ESRRG: variants seen among roughly 807,000 people sequenced by gnomAD.
ESRRG encodes estrogen related receptor gamma.
In ESRRG, 13 loss-of-function variants were observed where a neutral mutation model predicts 44.0. That is an observed-to-expected ratio of 0.30 (90% CI 0.19 to 0.47). The LOEUF is 0.47. Ranked by LOEUF, ESRRG falls within the 20% of genes least tolerant of loss-of-function variation. The pLI, the probability that ESRRG is intolerant of heterozygous loss-of-function variation, is 1.00. For missense variants in ESRRG, 395 were observed against 580.6 expected (o/e 0.68, Z 3.29); for synonymous variants, 215 against 214.6 (o/e 1.00, Z -0.02).
intron 1 of ESRRG, among the ~76,000 whole-genome samples, chr1:216,963,547 G>A (rs575688028): frequency 2.1e-4 from 32 of 152,228 alleles, no homozygotes; most frequent in Middle Eastern, 6.8e-3. Context: ...GCTTCCTCTC[G>A]TACAAGTTGA....
chr1:216,692,619 C>A (rs1417219461), intron 1 of ESRRG, among the ~76,000 whole-genome samples: 1 of 152,054 alleles, frequency 6.6e-6, no homozygotes, highest in Admixed American at 6.6e-5. Context: ...TTTATAAAGT[C>A]TACAGTAGGA....
chr1:216,626,753 G>T (rs1422616293), intron 3 of ESRRG, among the ~76,000 whole-genome samples: 1 of 152,150 alleles, frequency 6.6e-6, no homozygotes, highest in Non-Finnish European at 1.5e-5. Flanking sequence ...CTAGATTATT[G>T]CAGGAGGTTC....
At chr1:217,062,948 A>C (rs1169621185) in intron 1 of ESRRG, among the ~76,000 whole-genome samples, 1 of 152,208 alleles carries the variant, frequency 6.6e-6, no homozygotes, top group Non-Finnish European at 1.5e-5. Context: ...CTACTTCATC[A>C]GCTCTTAATC....
At chr1:216,529,096 A>T (rs1483905951) in intron 5 of ESRRG, among the ~76,000 whole-genome samples, 1 of 152,124 alleles carries the variant, frequency 6.6e-6, no homozygotes, top group Non-Finnish European at 1.5e-5. Flanking sequence ...TTGTGTATCC[A>T]TTCTTACATA....
At chr1:216,601,262 C>T (rs367661116) in intron 3 of ESRRG, among the ~76,000 whole-genome samples, 1 of 152,036 alleles carries the variant, frequency 6.6e-6, no homozygotes, top group Admixed American at 6.5e-5. Flanking sequence ...ACCGCGCCCA[C>T]CCCTGGGCCT....
intron 2 of ESRRG, among the ~76,000 whole-genome samples, chr1:216,786,602 G>C (rs2094135728): frequency 6.6e-6 from 1 of 152,058 alleles, no homozygotes; most frequent in Non-Finnish European, 1.5e-5. Flanking sequence ...GCCACATATA[G>C]TCCAAAAACA....
intron 1 of ESRRG, chr1:216,985,696 G>T (rs1182983842): frequency 6.6e-6 from 1 of 152,136 alleles, no homozygotes; most frequent in Non-Finnish European, 1.5e-5. Context: ...CATTTATGGT[G>T]GGGGACAGTC....
intron 5 of ESRRG, among the ~76,000 whole-genome samples, chr1:216,544,178 T>A (rs944418742): frequency 2.0e-5 from 3 of 152,034 alleles, no homozygotes; most frequent in African/African-American, 7.2e-5. Flanking sequence ...ATTGTGCATA[T>A]GATAATCATT....
intron 3 of ESRRG, among the ~76,000 whole-genome samples, chr1:216,584,176 T>C (rs936894761): frequency 1.3e-5 from 2 of 152,180 alleles, no homozygotes; most frequent in African/African-American, 4.8e-5. Context: ...ATAGGGCTTA[T>C]AAGATCTTTC....
At chr1:217,125,528 T>G (rs1013524257) in intron 1 of ESRRG, among the ~76,000 whole-genome samples, 2 of 152,224 alleles carry the variant, frequency 1.3e-5, no homozygotes, top group Non-Finnish European at 2.9e-5. Flanking sequence ...AACCATGCCA[T>G]TTTGGTCATT....
At chr1:216,580,735 T>G (rs1392969283) in intron 3 of ESRRG, among the ~76,000 whole-genome samples, 1 of 152,170 alleles carries the variant, frequency 6.6e-6, no homozygotes, top group Non-Finnish European at 1.5e-5. Flanking sequence ...AAGATGGAAT[T>G]GACCCACAGA....
intron 1 of ESRRG, chr1:216,707,219 A>C: frequency 1.1e-6 from 1 of 911,518 alleles, no homozygotes; most frequent in Non-Finnish European, 1.6e-6. Context: ...ACTGTCTTAC[A>C]TGATCTTTAA....
intron 1 of ESRRG, among the ~76,000 whole-genome samples, chr1:217,017,480 A>AC: frequency 7.7e-6 from 1 of 129,044 alleles, no homozygotes. Flanking sequence ...ACATAACTCA[A>AC]AAAAAAAAAA....
chr1:216,772,819 T>C (rs928048168), intron 2 of ESRRG, among the ~76,000 whole-genome samples: 1 of 151,954 alleles, frequency 6.6e-6, no homozygotes, highest in African/African-American at 2.4e-5. Context: ...AGAAATGTAC[T>C]TGGGCAGCTG....
intron 2 of ESRRG, chr1:216,865,277 G>T (rs1360181676): frequency 6.8e-6 from 1 of 147,102 alleles, no homozygotes; most frequent in Non-Finnish European, 1.5e-5. Flanking sequence ...AGATTTTGTA[G>T]CACCTCAGAA....
chr1:216,656,568 T>A (rs2151142803), intron 2 of ESRRG, among the ~76,000 whole-genome samples: 1 of 152,330 alleles, frequency 6.6e-6, no homozygotes, highest in South Asian at 2.1e-4. Context: ...AACTCCAGCC[T>A]GGAGCGCCAG....
At chr1:216,828,717 T>C (rs1035519336) in intron 2 of ESRRG, among the ~76,000 whole-genome samples, 3 of 152,208 alleles carry the variant, frequency 2.0e-5, no homozygotes, top group Admixed American at 2.0e-4. Flanking sequence ...TAATTTTTCA[T>C]GCCTAGTTAA....
chr1:216,981,627 G>T (rs2073989358), intron 1 of ESRRG, among the ~76,000 whole-genome samples: 1 of 151,848 alleles, frequency 6.6e-6, no homozygotes, highest in Non-Finnish European at 1.5e-5. Context: ...TTAATTTATT[G>T]GTTCAAATAG....
Position 216,687,026 on chromosome 1 carries a change from C to CGTGTGTGT in ESRRG, c.57-9543_57-9536dup, listed in dbSNP as rs143144178. Among the ~76,000 whole-genome samples the CGTGTGTGT allele has an allele frequency of 9.8e-3, 1,464 of 149,220 alleles. 15 individuals carry two copies. The highest frequency in any genetic ancestry group is 0.045 in the East Asian group (223 of 4,978). On this transcript the variant is annotated intron_variant, in intron 1 of 6. Transcript: ENST00000408911. The stretch of plus-strand genomic sequence containing the variant: ...CACCATTCAGGGACATGGCAGGGCC[C>CGTGTGTGT]GTGTGTGTGTGTGTGTGTGTCTGTG...
Sources: gnomAD v4.1 joint callset for allele counts (sites outside exome capture counted in the v4.1 genomes callset) on GRCh38, gnomAD v4.1.1 for gene constraint, MANE v1.5 for transcripts, NCBI Gene and HGNC (gene_info 2026-07-23, HGNC 2026-07-21) for gene names.